The following ZNF579 variants were observed in gnomAD, a reference collection of about 807,000 sequenced individuals.
ZNF579 encodes the protein zinc finger protein 579.
ZNF579 carries 3 observed loss-of-function variants against 5.7 expected under a neutral mutation model. That is an observed-to-expected ratio of 0.53 (90% CI 0.24 to 1.36). ZNF579 has a LOEUF of 1.36. Among genes scored for constraint, ZNF579 ranks in the 40% most tolerant of loss-of-function variants. ZNF579 has a pLI of 0.16. For synonymous variants in ZNF579, 454 were observed against 409.0 expected, an observed-to-expected ratio of 1.11 and a Z score of -1.33; for missense variants, 679 against 877.6, an observed-to-expected ratio of 0.77 and a Z score of 2.86.
At position 55,579,581 on chromosome 19, in the gene ZNF579, C is replaced by T. The variant is rs1415150222; in HGVS notation, c.59G>A (p.Arg20Gln). 1.3e-6 allele frequency: 2 copies of T among 1,494,278 alleles called. No homozygotes were observed. Among genetic ancestry groups the T allele is most frequent in the African/African-American group, 1.5e-5 (1 of 68,466 alleles). The allele number at this position is 1,494,278 out of a possible 1,614,324, so 92.6% of individuals were successfully genotyped here. Reference protein sequence around the residue: ...QGSPPHRGRGRGRGRGRGRGR... With the variant: ...QGSPPHRGRGQGRGRGRGRGR... ...CCGACCACGGCCTCGGCCACGGCCC[C>T]GGCCTCGGCCACGGTGAGGTGGGCT... is the stretch of plus-strand genomic sequence containing the variant. The change falls in exon 2 of 2, where the codon CGG (arginine) becomes CAG (glutamine). Residue 20 changes from arginine to glutamine, a missense_variant. Coordinates refer to ENST00000325421, the MANE Select transcript of ZNF579 (RefSeq NM_152600.3).
Position 55,579,760 on chromosome 19 carries a change from T to G in ZNF579, c.-2-119A>C, listed in dbSNP as rs1027280122. On this transcript the variant is annotated intron_variant, in intron 1 of 1. Transcript: ENST00000325421. ...GGAGAGGCAGAGAGGGTCAGGTATT[T>G]AGCCAGGAGAGAGATATGAGACAGA... 3 of 1,141,698 alleles carry G rather than the reference T, an allele frequency of 2.6e-6. No individual in the cohort carries two copies. In the African/African-American group the frequency reaches 4.9e-5, roughly 19 times the overall value. 70.7% of individuals were successfully genotyped at this position (1,141,698 alleles called of 1,614,324 possible). A position where few individuals can be genotyped will look rare whatever the true frequency, so the allele number is the denominator to read the frequency against.
In ZNF579 at chr19:55,579,654, A is replaced by G; in HGVS notation, c.-2-13T>C. On this transcript the variant is annotated splice_polypyrimidine_tract_variant and intron_variant, in intron 1 of 1. Transcript: ENST00000325421. Reference sequence around the variant, plus strand: ...TGCGGATCCATGCCTGTGGGGAGAGAGGGGAGAGATGGGAAGCGGGGCAGA... The same window carrying G: ...TGCGGATCCATGCCTGTGGGGAGAGGGGGGAGAGATGGGAAGCGGGGCAGA... 1.4e-6 allele frequency: 2 copies of G among 1,428,852 alleles called. No individual in the cohort carries two copies. The highest frequency in any genetic ancestry group is 1.8e-6 in the Non-Finnish European group (2 of 1,100,682). 88.5% of individuals were successfully genotyped at this position (1,428,852 alleles called of 1,614,324 possible).
chr19:55,577,756 G>A lies in ZNF579; in HGVS notation c.*195C>T. On this transcript the variant is annotated 3_prime_UTR_variant, in exon 2 of 2. Coordinates refer to ENST00000325421, the MANE Select transcript of ZNF579 (RefSeq NM_152600.3). Reference sequence around the variant, plus strand: ...CTTAAGACACATGTTGGGGTGAGCGGTTCCTAACCAGCATCAGGGGTTCTG... The same window carrying A: ...CTTAAGACACATGTTGGGGTGAGCGATTCCTAACCAGCATCAGGGGTTCTG... The A allele has an allele frequency of 9.3e-7, 1 of 1,072,068 alleles. No homozygotes were observed. Among genetic ancestry groups the A allele is most frequent in the African/African-American group, 1.6e-5 (1 of 62,438 alleles). The allele number at this position is 1,072,068 out of a possible 1,614,324, so 66.4% of individuals were successfully genotyped here.
chr19:55,577,500 C>G lies in ZNF579; in HGVS notation c.*451G>C, dbSNP rs757389913. On this transcript the variant is annotated 3_prime_UTR_variant, in exon 2 of 2. Coordinates refer to ENST00000325421, the MANE Select transcript of ZNF579 (RefSeq NM_152600.3). ...TCGCCCCAGCGCCCCCAGCCTGCCC[C>G]ACCTCCACAGAACACCTCGCTCTCT... is the stretch of plus-strand genomic sequence containing the variant. 5.9e-6 allele frequency: 1 copy of G among 168,260 alleles called. No individual in the cohort carries two copies. The highest frequency in any genetic ancestry group is 1.3e-5 in the Non-Finnish European group (1 of 77,278). The allele number at this position is 168,260 out of a possible 1,614,324, so 10.4% of individuals were successfully genotyped here.
Position 55,578,588 on chromosome 19 carries a change from C to A in ZNF579, c.1052G>T (p.Gly351Val). Residue 351 changes from glycine (G) to valine (V), a missense_variant, in exon 2 of 2, where the codon GGG becomes GTG. Transcript: ENST00000325421. ...GARNSAKGPEGGEGAECGGAS... is the reference protein window; with the variant it reads ...GARNSAKGPEVGEGAECGGAS... ...ACCCCCGCACTCCGCCCCCTCGCCC[C>A]CCTCCGGCCCCTTGGCTGAGTTCCG... 1 of 1,489,282 alleles carries A rather than the reference C, an allele frequency of 6.7e-7. No individual in the cohort carries two copies. 92.3% of individuals were successfully genotyped at this position (1,489,282 alleles called of 1,614,324 possible).
In ZNF579 at chr19:55,576,911, A is replaced by G. The variant is rs1392001303; in HGVS notation, c.*1040T>C. 6.6e-6 allele frequency: 1 copy of G among 152,208 alleles called. No individual in the cohort carries two copies. The allele number at this position is 152,208 out of a possible 1,614,324, so 9.4% of individuals were successfully genotyped here. On this transcript the variant is annotated 3_prime_UTR_variant, in exon 2 of 2. Coordinates refer to ENST00000325421, the MANE Select transcript of ZNF579 (RefSeq NM_152600.3). ...GATGTAGAATATCCCATCATCACAA[A>G]AAGTTCTCCCAGACTGGGCAAGATA...
chr19:55,579,658 G>A lies in ZNF579; in HGVS notation c.-2-17C>T, dbSNP rs141876039. On this transcript the variant is annotated splice_polypyrimidine_tract_variant and intron_variant, in intron 1 of 1. Coordinates refer to ENST00000325421, the MANE Select transcript of ZNF579 (RefSeq NM_152600.3). Reference sequence around the variant, plus strand: ...GATCCATGCCTGTGGGGAGAGAGGGGAGAGATGGGAAGCGGGGCAGAGATA... The same window carrying A: ...GATCCATGCCTGTGGGGAGAGAGGGAAGAGATGGGAAGCGGGGCAGAGATA... 1.2e-3 allele frequency: 1,780 copies of A among 1,425,368 alleles called. 25 individuals are homozygous for A. In the African/African-American group the frequency reaches 0.025, roughly 20 times the overall value. 88.3% of individuals were successfully genotyped at this position (1,425,368 alleles called of 1,614,324 possible).
In ZNF579 at chr19:55,578,647, C is replaced by T. The variant is rs1191270518; in HGVS notation, c.993G>A (p.Ala331=). 4 of 1,528,970 alleles carry T rather than the reference C, an allele frequency of 2.6e-6. No homozygotes were observed. Among genetic ancestry groups the T allele is most frequent in the Admixed American group, 4.1e-5 (2 of 49,012 alleles). 94.7% of individuals were successfully genotyped at this position (1,528,970 alleles called of 1,614,324 possible). ...GPLSLLAPLP[A]AGKKDDKASG... ...AGGCCTTGTCGTCCTTCTTGCCCGC[C>T]GCGGGCAGCGGGGCCAGCAGGCTGA... The change falls in exon 2 of 2, where the codon GCG becomes GCA. Residue 331 remains alanine, a synonymous_variant. Transcript: ENST00000325421.
In ZNF579 at chr19:55,578,876, C is replaced by T. The variant is rs761085768; in HGVS notation, c.764G>A (p.Gly255Asp). The change falls in exon 2 of 2, where the codon GGC (glycine) becomes GAC (aspartate). Residue 255 changes from glycine to aspartate, a missense_variant. Physicochemically the swap from Gly to Asp is moderately conservative, Grantham distance 94. Transcript: ENST00000325421. ...LKAHPCLRPEGEQEGEGGPPP... is the reference protein window; with the variant it reads ...LKAHPCLRPEDEQEGEGGPPP... ...GGGCCCCCCTTCCCCTTCCTGTTCG[C>T]CCTCGGGGCGCAGACACGGGTGCGC... is the stretch of plus-strand genomic sequence containing the variant. 1 of 1,596,784 alleles carries T rather than the reference C, an allele frequency of 6.3e-7. No homozygotes were observed. Among genetic ancestry groups the T allele is most frequent in the South Asian group, 1.1e-5 (1 of 89,094 alleles).
rs1599969780 is a variant in ZNF579 at position 55,578,965 on chromosome 19, C to T, written c.675G>A (p.Gln225=). The change falls in exon 2 of 2, where the codon CAG becomes CAA. Residue 225 remains glutamine (Q), a synonymous_variant. Transcript: ENST00000325421. ...GCAGACACAGCAGCGTCCAGTCTGC[C>T]TGGAGCAGGACCTGTTTCTCCTCCT... ...GRQEEKQVLL[Q]ADWTLLCLRC... is the part of the protein sequence containing the mutation. The T allele has an allele frequency of 1.3e-6, 2 of 1,547,264 alleles. No individual in the cohort carries two copies. Among genetic ancestry groups the T allele is most frequent in the Non-Finnish European group, 1.7e-6 (2 of 1,150,976 alleles).
intron 1 of ZNF579, 94 bp from the exon 2 acceptor site, chr19:55,579,735 G>A: frequency 7.8e-7 from 1 of 1,289,442 alleles, no homozygotes; most frequent in South Asian, 1.9e-5. Flanking sequence ...AGTCAGAGAT[G>A]GAGAGGCAGA....
Position 55,578,092 on chromosome 19 carries a change from G to A in ZNF579, c.1548C>T (p.Thr516=). 1 of 1,568,356 alleles carries A rather than the reference G, an allele frequency of 6.4e-7. No homozygotes were observed. The highest frequency in any genetic ancestry group is 1.2e-5 in the South Asian group (1 of 85,528). Residue 516 remains threonine (T), a synonymous_variant, in exon 2 of 2, where the codon ACC becomes ACT. Transcript: ENST00000325421. ...GGGGAGCCGGCGGGGACTGGGGTGG[G>A]GTCCCCGGAGAGGGCGGCTCTTCCT... ...NIKEEPPSPG[T]PPQSPPAPPV... is the part of the protein sequence containing the mutation.
chr19:55,579,492 C>G lies in ZNF579; in HGVS notation c.148G>C (p.Gly50Arg). 1 of 1,360,708 alleles carries G rather than the reference C, an allele frequency of 7.3e-7. No individual in the cohort carries two copies. Among genetic ancestry groups the G allele is most frequent in the Non-Finnish European group, 9.5e-7 (1 of 1,057,962 alleles). The allele number at this position is 1,360,708 out of a possible 1,614,324, so 84.3% of individuals were successfully genotyped here. A position where few individuals can be genotyped will look rare whatever the true frequency, so the allele number is the denominator to read the frequency against. ...PRAPLPCPTC[G>R]RLFRFPYYLS... is the part of the protein sequence containing the mutation. ...TAGTAGGGGAAACGGAAGAGGCGGCCGCAGGTGGGGCAGGGCAGGGGCGCC... is the reference window on the plus strand; with the variant it reads ...TAGTAGGGGAAACGGAAGAGGCGGCGGCAGGTGGGGCAGGGCAGGGGCGCC... The change falls in exon 2 of 2, where the codon GGC becomes CGC. Residue 50 changes from glycine (G) to arginine (R), a missense_variant. Gly to Arg is a moderately radical substitution (Grantham distance 125, BLOSUM62 -2). This residue lies in a region of ZNF579 where 134 missense variants were observed against 208.9 expected (regional missense o/e 0.64). Transcript: ENST00000325421.
rs1478697208 is a variant in ZNF579, at chr19:55,579,083, G to T, written c.557C>A (p.Thr186Asn). The change falls in exon 2 of 2, where the codon ACC (threonine) becomes AAC (asparagine). Residue 186 changes from threonine (T) to asparagine (N), a missense_variant. Thr to Asn is a moderately conservative substitution (Grantham distance 65). Around this residue, in one of 6 missense-constraint regions of ZNF579, gnomAD observed 209 missense variants for 223.4 expected, o/e 0.94. Coordinates refer to ENST00000325421, the MANE Select transcript of ZNF579 (RefSeq NM_152600.3). ...AGEPSTLAAP[T>N]SAAEPRESES... ...CGACTCCCGGGGCTCCGCGGCGCTG[G>T]TGGGCGCAGCCAGCGTGGAAGGCTC... 4 of 1,528,954 alleles carry T rather than the reference G, an allele frequency of 2.6e-6. No homozygotes were observed. The South Asian group carries it at 4.8e-5, about 18-fold the overall frequency. 94.7% of individuals were successfully genotyped at this position (1,528,954 alleles called of 1,614,324 possible). A position where few individuals can be genotyped will look rare whatever the true frequency, so the allele number is the denominator to read the frequency against.
At chr19:55,579,798 A>G in intron 1 of ZNF579, 157 bp from the exon 2 acceptor site, 1 of 801,458 alleles carries the variant, frequency 1.2e-6, no homozygotes, top group Non-Finnish European at 1.7e-6. Context: ...CAAAGATGAG[A>G]GACACCGAGG....
chr19:55,577,661 C>A lies in ZNF579; in HGVS notation c.*290G>T. 2.1e-6 allele frequency: 1 copy of A among 485,524 alleles called. No homozygotes were observed. The highest frequency in any genetic ancestry group is 2.4e-5 in the South Asian group (1 of 42,370). The allele number at this position is 485,524 out of a possible 1,614,324, so 30.1% of individuals were successfully genotyped here. A position where few individuals can be genotyped will look rare whatever the true frequency, so the allele number is the denominator to read the frequency against. On this transcript the variant is annotated 3_prime_UTR_variant, in exon 2 of 2. Coordinates refer to ENST00000325421, the MANE Select transcript of ZNF579 (RefSeq NM_152600.3). ...GTGTGTGAAACGGGGGACAGGGAGGCGGGGGCGTCCCCACCAGTCTCCATC... is the reference window on the plus strand; with the variant it reads ...GTGTGTGAAACGGGGGACAGGGAGGAGGGGGCGTCCCCACCAGTCTCCATC...
In ZNF579 at chr19:55,579,206, C is replaced by T; in HGVS notation, c.434G>A (p.Gly145Asp). Reference protein sequence around the residue: ...VAKETAEPSWGPQDEGSEPPT... With the variant: ...VAKETAEPSWDPQDEGSEPPT... ...CGGCTCCGAGCCCTCGTCCTGCGGGCCCCAGCTGGGTTCGGCCGTCTCCTT... is the reference window on the plus strand; with the variant it reads ...CGGCTCCGAGCCCTCGTCCTGCGGGTCCCAGCTGGGTTCGGCCGTCTCCTT... The change falls in exon 2 of 2, where the codon GGC becomes GAC. Residue 145 changes from glycine to aspartate, a missense_variant. Around this residue, in one of 6 missense-constraint regions of ZNF579, gnomAD observed 209 missense variants for 223.4 expected, o/e 0.94. Coordinates refer to ENST00000325421, the MANE Select transcript of ZNF579 (RefSeq NM_152600.3). 6.6e-7 allele frequency: 1 copy of T among 1,524,148 alleles called. No homozygotes were observed. The highest frequency in any genetic ancestry group is 2.1e-4 in the Middle Eastern group (1 of 4,674). 94.4% of individuals were successfully genotyped at this position (1,524,148 alleles called of 1,614,324 possible).
Position 55,579,437 on chromosome 19 carries a change from C to G in ZNF579, c.203G>C (p.Gly68Ala). 1 of 1,337,252 alleles carries G rather than the reference C, an allele frequency of 7.5e-7. No individual in the cohort carries two copies. The allele number at this position is 1,337,252 out of a possible 1,614,324, so 82.8% of individuals were successfully genotyped here. ...YLSRHRLSHS[G>A]LRPHACPLCP... ...CAGCGGGCAGGCGTGGGGCCGGAGCCCCGAGTGGCTCAGCCGGTGCCGGGA... is the reference window on the plus strand; with the variant it reads ...CAGCGGGCAGGCGTGGGGCCGGAGCGCCGAGTGGCTCAGCCGGTGCCGGGA... The change falls in exon 2 of 2, where the codon GGG (glycine) becomes GCG (alanine). Residue 68 changes from glycine to alanine, a missense_variant. Gly to Ala is a moderately conservative substitution (Grantham distance 60, BLOSUM62 0). Around this residue, in one of 6 missense-constraint regions of ZNF579, gnomAD observed 134 missense variants for 208.9 expected, o/e 0.64. Transcript: ENST00000325421.
At position 55,577,806 on chromosome 19, in the gene ZNF579, G is replaced by C. The variant is rs1217018001; in HGVS notation, c.*145C>G. ...GGGGGCGGGCGATGGGGGAGGAAGG[G>C]GCAGTCCAGGGCCCCCCACTCCTTA... On this transcript the variant is annotated 3_prime_UTR_variant, in exon 2 of 2. Coordinates refer to ENST00000325421, the MANE Select transcript of ZNF579 (RefSeq NM_152600.3). 7.1e-7 allele frequency: 1 copy of C among 1,413,540 alleles called. No homozygotes were observed. The highest frequency in any genetic ancestry group is 1.4e-5 in the African/African-American group (1 of 69,468). 87.6% of individuals were successfully genotyped at this position (1,413,540 alleles called of 1,614,324 possible).
Sources: allele counts gnomAD v4.1 joint callset, GRCh38; gene constraint gnomAD v4.1.1; regional missense constraint gnomAD v4.1.1; transcripts MANE v1.5; gene names NCBI Gene and HGNC (gene_info 2026-07-23, HGNC 2026-07-21).